Variants in SNX10 observed in about 807,000 individuals in gnomAD.
The protein encoded by SNX10 is sorting nexin-10.
Under a neutral mutation model 28.5 loss-of-function variants are expected in SNX10, and 25 were observed. The ratio of observed to expected loss-of-function variants is 0.88; its 90% CI spans 0.64 to 1.22. SNX10 has a LOEUF of 1.22. SNX10 is among the 50% of genes most tolerant of loss of function. The pLI is 0.00. For synonymous variants in SNX10, 62 were observed against 81.4 expected (o/e 0.76, Z 1.28); for missense variants, 223 against 242.6 (o/e 0.92, Z 0.54).
rs192784953 is a variant in SNX10 at position 26,365,806 on chromosome 7, C to T, written c.311+661C>T. Among the ~76,000 whole-genome samples, 4 of 151,758 alleles carry T rather than the reference C, an allele frequency of 2.6e-5. No individual in the cohort carries two copies. In the East Asian group the frequency reaches 5.8e-4, roughly 22 times the overall value. ...AGCACGCTGATTTACACCTAGACTC[C>T]GAGGCCAGGCTACCTGAGTTCAGAT... On this transcript the variant is annotated intron_variant, in intron 5 of 6. Coordinates refer to ENST00000338523, the MANE Select transcript of SNX10 (RefSeq NM_013322.3).
chr7:26,333,538 A>T (rs1158345186), intron 1 of SNX10, among the ~76,000 whole-genome samples: 17 of 151,092 alleles, frequency 1.1e-4, no homozygotes, highest in Non-Finnish European at 1.5e-5. Flanking sequence ...GTTAGCTAGG[A>T]TGGTCTTGAT....
intron 1 of SNX10, among the ~76,000 whole-genome samples, chr7:26,304,175 C>A (rs1294154220): frequency 6.6e-6 from 1 of 152,164 alleles, no homozygotes; most frequent in Non-Finnish European, 1.5e-5. Context: ...CCTCGGCTTG[C>A]CTACTCACCC....
At chr7:26,342,292 G>C (rs981092857) in intron 1 of SNX10, among the ~76,000 whole-genome samples, 72 of 152,272 alleles carry the variant, frequency 4.7e-4, no homozygotes, top group African/African-American at 1.6e-3. Context: ...CTCCCAAAGT[G>C]TTGGGATTAC....
At chr7:26,358,809 T>TTG (rs1202575972) in intron 2 of SNX10, among the ~76,000 whole-genome samples, 1 of 144,282 alleles carries the variant, frequency 6.9e-6, no homozygotes, top group African/African-American at 2.7e-5. Flanking sequence ...TCTTGTGTTT[T>TTG]TTTTTTTTTT....
intron 1 of SNX10, among the ~76,000 whole-genome samples, chr7:26,299,917 AAAG>A (rs1459136606): frequency 6.6e-6 from 1 of 152,094 alleles, no homozygotes; most frequent in South Asian, 2.1e-4. Flanking sequence ...AAACTTTTAA[AAAG>A]AATAGAAAAG....
chr7:26,297,087 A>G (rs1432752248), intron 1 of SNX10, among the ~76,000 whole-genome samples: 4 of 101,240 alleles, frequency 4.0e-5, no homozygotes, highest in Non-Finnish European at 6.3e-5. Flanking sequence ...AATATAGAAG[A>G]TGGTTTTAAA....
In SNX10 at chr7:26,364,205, G is replaced by A. The variant is rs921964931; in HGVS notation, c.112-330G>A. 1.3e-5 allele frequency: 6 copies of A among 476,872 alleles called. No homozygotes were observed. The highest frequency in any genetic ancestry group is 1.4e-5 in the Non-Finnish European group (5 of 360,048). 29.5% of individuals were successfully genotyped at this position (476,872 alleles called of 1,614,324 possible). A position where few individuals can be genotyped will look rare whatever the true frequency, so the allele number is the denominator to read the frequency against. On this transcript the variant is annotated intron_variant, in intron 3 of 6. Transcript: ENST00000338523. This position sits in a 1 kb window ranked among gnomAD's most constrained non-coding sequence, Gnocchi z 4.9. ...AACGGATGAACCTGAGCTCCTACCT[G>A]TCATTTATATGTTAGGATTTATTTT...
At chr7:26,359,627 A>G (rs1352181568) in intron 2 of SNX10, among the ~76,000 whole-genome samples, 1 of 151,972 alleles carries the variant, frequency 6.6e-6, no homozygotes, top group Admixed American at 6.6e-5. Flanking sequence ...TTTAAACTAA[A>G]CCTATTTAGT....
chr7:26,361,098 G>T, intron 3 of SNX10, 37 bp downstream of exon 3: 1 of 1,544,732 alleles, frequency 6.5e-7, no homozygotes, highest in South Asian at 1.2e-5. Context: ...AATTTTGAGG[G>T]ACTTTTATGG....
chr7:26,365,497 GTCTT>G (rs1287937623), intron 5 of SNX10, among the ~76,000 whole-genome samples: 1 of 152,180 alleles, frequency 6.6e-6, no homozygotes, highest in East Asian at 1.9e-4. Flanking sequence ...CTTAAAAACT[GTCTT>G]TCTTTACAAT....
chr7:26,330,443 G>A (rs1463566051), intron 1 of SNX10, among the ~76,000 whole-genome samples: 3 of 152,086 alleles, frequency 2.0e-5, no homozygotes, highest in South Asian at 2.1e-4. Context: ...TTGAGCAGCC[G>A]GTACTTGGGA....
intron 1 of SNX10, among the ~76,000 whole-genome samples, chr7:26,339,985 T>G (rs1788118338): frequency 6.6e-6 from 1 of 151,042 alleles, no homozygotes; most frequent in East Asian, 1.9e-4. Context: ...GATCTAAAGA[T>G]TTAGAAAAAG....
intron 1 of SNX10, among the ~76,000 whole-genome samples, chr7:26,298,494 G>A (rs529194508): frequency 2.0e-5 from 3 of 152,290 alleles, no homozygotes; most frequent in Non-Finnish European, 4.4e-5. Flanking sequence ...GGCGGAGAGT[G>A]TAAATTGGTA....
At chr7:26,294,405 T>TA (rs1202589337) in intron 1 of SNX10, among the ~76,000 whole-genome samples, 1 of 152,108 alleles carries the variant, frequency 6.6e-6, no homozygotes, top group Non-Finnish European at 1.5e-5. Context: ...TATTCAGAAA[T>TA]AAAAAAGGGT....
chr7:26,327,755 T>C (rs1372127711), intron 1 of SNX10, among the ~76,000 whole-genome samples: 1 of 125,540 alleles, frequency 8.0e-6, no homozygotes, highest in African/African-American at 3.0e-5. Flanking sequence ...TTTGAGATGG[T>C]GTCTCGCTCT....
intron 1 of SNX10, among the ~76,000 whole-genome samples, chr7:26,302,173 T>G (rs1191797066): frequency 6.6e-6 from 1 of 152,178 alleles, no homozygotes; most frequent in Admixed American, 6.5e-5. Context: ...ATCTCAGGTG[T>G]GCATTTTCCT....
At chr7:26,346,722 C>T (rs1293707652) in intron 2 of SNX10, among the ~76,000 whole-genome samples, 1 of 152,202 alleles carries the variant, frequency 6.6e-6, no homozygotes, top group Non-Finnish European at 1.5e-5. Flanking sequence ...GCTCTGCCTC[C>T]CACCCCTTGG....
At chr7:26,362,628 G>T (rs945000887) in intron 3 of SNX10, among the ~76,000 whole-genome samples, 1 of 152,218 alleles carries the variant, frequency 6.6e-6, no homozygotes, top group African/African-American at 2.4e-5. Context: ...ATCTTGAAGA[G>T]ACTTCCACCT....
intron 1 of SNX10, among the ~76,000 whole-genome samples, chr7:26,316,799 C>G (rs1787109389): frequency 1.3e-5 from 2 of 152,190 alleles, no homozygotes; most frequent in Admixed American, 1.3e-4. Flanking sequence ...GTGCAGTGCC[C>G]TAAGCTGCTG....
Sources: gnomAD v4.1 joint callset for allele counts (sites outside exome capture counted in the v4.1 genomes callset) on GRCh38, gnomAD v4.1.1 for gene constraint, Gnocchi (gnomAD v3.1) non-coding constraint, MANE v1.5 for transcripts, NCBI Gene and HGNC (gene_info 2026-07-23, HGNC 2026-07-21) for gene names.